Variants in CREB1 observed in about 807,000 individuals in gnomAD.
CREB1 encodes cyclic AMP-responsive element-binding protein 1.
CREB1 carries 2 observed loss-of-function variants against 42.0 expected under a neutral mutation model. That is an observed-to-expected ratio of 0.05 (90% CI 0.02 to 0.15). The LOEUF is 0.15. CREB1 is among the 10% of genes least tolerant of loss of function. The pLI is 1.00. For missense variants in CREB1, 199 were observed against 388.9 expected (o/e 0.51, Z 4.11); for synonymous variants, 123 against 139.9 (o/e 0.88, Z 0.85).
Position 207,603,426 on chromosome 2 carries a change from A to G in CREB1, c.*6368A>G, listed in dbSNP as rs2087460047. 1 of 224,796 alleles carries G rather than the reference A, an allele frequency of 4.4e-6. No individual in the cohort carries two copies. Among genetic ancestry groups the G allele is most frequent in the African/African-American group, 2.2e-5 (1 of 44,902 alleles). The allele number at this position is 224,796 out of a possible 1,614,324, so 13.9% of individuals were successfully genotyped here. On this transcript the variant is annotated 3_prime_UTR_variant, in exon 8 of 8. Coordinates refer to ENST00000353267, the MANE Select transcript of CREB1 (RefSeq NM_004379.5). ...TGCAGTCACATAAACATGCTTTTAA[A>G]AACTCTGTAAGTCTCTTTTTTGGGG...
In CREB1 at chr2:207,577,763, T is replaced by G. The variant is rs549061809; in HGVS notation, c.839+108T>G. On this transcript the variant is annotated intron_variant, in intron 7 of 7. Coordinates refer to ENST00000353267, the MANE Select transcript of CREB1 (RefSeq NM_004379.5). ...GTAATAGGATCTTTGCATTGAATTT[T>G]TTTTTTCCAGCAGAATTAATGGATC... is the stretch of plus-strand genomic sequence containing the variant. 4.6e-5 allele frequency: 65 copies of G among 1,403,660 alleles called. 1 individual carries two copies. In the East Asian group the frequency reaches 1.5e-3, roughly 32 times the overall value. The allele number at this position is 1,403,660 out of a possible 1,614,324, so 87.0% of individuals were successfully genotyped here. A position where few individuals can be genotyped will look rare whatever the true frequency, so the allele number is the denominator to read the frequency against.
intron 6 of CREB1, among the ~76,000 whole-genome samples, chr2:207,575,946 C>CCT (rs1308725226): frequency 1.5e-5 from 1 of 68,222 alleles, no homozygotes. Context: ...CCCCCCCCCC[C>CCT]CCAAAAGAAA....
chr2:207,535,458 T>A (rs1245370178), intron 1 of CREB1, among the ~76,000 whole-genome samples: 1 of 152,178 alleles, frequency 6.6e-6, no homozygotes, highest in African/African-American at 2.4e-5. Context: ...TCATGGGATA[T>A]TATTACCCAG....
In CREB1 at chr2:207,588,891, G is replaced by GT. The variant is rs142070659; in HGVS notation, c.840-8023_840-8022insT. On this transcript the variant is annotated intron_variant, in intron 7 of 7. Coordinates refer to ENST00000353267, the MANE Select transcript of CREB1 (RefSeq NM_004379.5). ...CTTATTAGTTCTAGGAGCTTTGTCG[G>GT]GGGGGGTGTAGATTCTTTGGGATTC... 1.4e-3 allele frequency among the ~76,000 whole-genome samples: 203 copies of GT among 143,918 alleles called. No homozygotes were observed. The Middle Eastern group carries it at 0.033, about 23-fold the overall frequency. 94.4% of individuals were successfully genotyped at this position (143,918 alleles called of 152,430 possible).
chr2:207,546,932 T>A (rs56075788), intron 1 of CREB1, among the ~76,000 whole-genome samples: 1 of 152,196 alleles, frequency 6.6e-6, no homozygotes, highest in Non-Finnish European at 1.5e-5. Context: ...GTAATTAGCA[T>A]ATTGCATAAT....
chr2:207,595,795 A>G (rs2086040376), intron 7 of CREB1, among the ~76,000 whole-genome samples: 1 of 151,826 alleles, frequency 6.6e-6, no homozygotes, highest in Non-Finnish European at 1.5e-5. Flanking sequence ...TCTTGAACAC[A>G]TGGGTTCAAG....
intron 7 of CREB1, among the ~76,000 whole-genome samples, chr2:207,588,406 T>C (rs775332621): frequency 2.6e-5 from 4 of 152,232 alleles, no homozygotes; most frequent in Non-Finnish European, 5.9e-5. Flanking sequence ...GTCTGTCCTT[T>C]AGCCAATACC....
chr2:207,584,289 T>C (rs2083426468), intron 7 of CREB1, among the ~76,000 whole-genome samples: 1 of 152,056 alleles, frequency 6.6e-6, no homozygotes, highest in African/African-American at 2.4e-5. Context: ...TGTATGAGAG[T>C]TCAGTTGCTT....
chr2:207,567,781 TC>T, intron 4 of CREB1: 2 of 331,514 alleles, frequency 6.0e-6, no homozygotes, highest in Non-Finnish European at 1.1e-5. Context: ...TTTTTCTGTT[TC>T]TGTTTCTGTA....
intron 1 of CREB1, among the ~76,000 whole-genome samples, chr2:207,538,335 G>A (rs756078586): frequency 6.6e-6 from 1 of 152,110 alleles, no homozygotes; most frequent in African/African-American, 2.4e-5. Context: ...TACATCTCCA[G>A]TGATGAAAAA....
chr2:207,538,348 A>G (rs2080959100), intron 1 of CREB1, among the ~76,000 whole-genome samples: 1 of 152,172 alleles, frequency 6.6e-6, no homozygotes, highest in South Asian at 2.1e-4. Context: ...ATGAAAAATC[A>G]CTGTGTATTA....
rs2086986240 is a variant in CREB1, at chr2:207,601,164, A to G, written c.*4106A>G. 4 of 185,448 alleles carry G rather than the reference A, an allele frequency of 2.2e-5. No individual in the cohort carries two copies. Among genetic ancestry groups the G allele is most frequent in the East Asian group, 1.8e-4 (2 of 11,416 alleles). 11.5% of individuals were successfully genotyped at this position (185,448 alleles called of 1,614,324 possible). ...CTTTGTAGCCCTGAAAGCTGTTGGT[A>G]TATTTTTTCCCTCATGGACCCAATA... On this transcript the variant is annotated 3_prime_UTR_variant, in exon 8 of 8. Transcript: ENST00000353267.
At chr2:207,532,325 GAAAAAAA>G (rs1244936579) in intron 1 of CREB1, among the ~76,000 whole-genome samples, 1 of 117,298 alleles carries the variant, frequency 8.5e-6, no homozygotes, top group Admixed American at 8.7e-5. Context: ...CCGTCTCAAA[GAAAAAAA>G]AAAAAAAGAA....
At chr2:207,573,005 A>T (rs1274541173) in intron 5 of CREB1, among the ~76,000 whole-genome samples, 5 of 152,186 alleles carry the variant, frequency 3.3e-5, no homozygotes, top group African/African-American at 1.2e-4. Flanking sequence ...TTCTGCTCTT[A>T]GATAGAAAAT....
At chr2:207,535,259 C>T (rs2080820375) in intron 1 of CREB1, among the ~76,000 whole-genome samples, 1 of 152,148 alleles carries the variant, frequency 6.6e-6, no homozygotes, top group South Asian at 2.1e-4. Flanking sequence ...CATGAGGAGG[C>T]AAGCAAGCCA....
rs1248891864 is a variant in CREB1, at chr2:207,555,688, C to G, written c.53C>G (p.Thr18Arg). 6.2e-7 allele frequency: 1 copy of G among 1,613,728 alleles called. No homozygotes were observed. Among genetic ancestry groups the G allele is most frequent in the Admixed American group, 1.7e-5 (1 of 59,988 alleles). The change falls in exon 2 of 8, where the codon ACA becomes AGA. Residue 18 changes from threonine to arginine, a missense_variant. Around this residue, in one of 4 missense-constraint regions of CREB1, gnomAD observed 53 missense variants for 57.1 expected, o/e 0.93. Coordinates refer to ENST00000353267, the MANE Select transcript of CREB1 (RefSeq NM_004379.5). ...ENQQSGDAAV[T>R]EAENQQMTVQ... is the part of the protein sequence containing the mutation. Reference sequence around the variant, plus strand: ...CAGCAGAGTGGAGATGCAGCTGTAACAGAAGCTGAAAACCAACAAATGACA... The same window carrying G: ...CAGCAGAGTGGAGATGCAGCTGTAAGAGAAGCTGAAAACCAACAAATGACA...
chr2:207,598,237 A>G lies in CREB1; in HGVS notation c.*1179A>G, dbSNP rs1304305942. 2 of 183,612 alleles carry G rather than the reference A, an allele frequency of 1.1e-5. No individual in the cohort carries two copies. Among genetic ancestry groups the G allele is most frequent in the African/African-American group, 4.7e-5 (2 of 42,636 alleles). 11.4% of individuals were successfully genotyped at this position (183,612 alleles called of 1,614,324 possible). On this transcript the variant is annotated 3_prime_UTR_variant, in exon 8 of 8. Coordinates refer to ENST00000353267, the MANE Select transcript of CREB1 (RefSeq NM_004379.5). The stretch of plus-strand genomic sequence containing the variant: ...CACAAGGAAAGTTATTTTCAGACAT[A>G]TTTGAATGACTGCTGTACTGCAATA...
At chr2:207,583,783 C>T (rs1227780966) in intron 7 of CREB1, among the ~76,000 whole-genome samples, 1 of 152,172 alleles carries the variant, frequency 6.6e-6, no homozygotes, top group Non-Finnish European at 1.5e-5. Flanking sequence ...AACAATTATA[C>T]TAGTTAACTA....
At chr2:207,576,241 CTTTTT>C (rs35735523) in intron 6 of CREB1, among the ~76,000 whole-genome samples, 2 of 101,066 alleles carry the variant, frequency 2.0e-5, no homozygotes, top group African/African-American at 7.6e-5. Context: ...CTTTTTTTGG[CTTTTT>C]TTTTTTTTTT....
Sources: allele counts gnomAD v4.1 joint callset (sites outside exome capture counted in the v4.1 genomes callset), GRCh38; gene constraint gnomAD v4.1.1; regional missense constraint gnomAD v4.1.1; transcripts MANE v1.5; gene names NCBI Gene and HGNC (gene_info 2026-07-23, HGNC 2026-07-21).